POLE: variants seen among roughly 807,000 people sequenced by gnomAD.
The protein encoded by POLE is DNA polymerase epsilon catalytic subunit A.
A neutral mutation model predicts 279.2 loss-of-function variants in POLE; 188 were observed. The observed-to-expected ratio is 0.67, with a 90% confidence interval of 0.60 to 0.76. POLE has a LOEUF of 0.76. POLE is among the 30% of genes least tolerant of loss of function. POLE has a pLI of 0.00. For synonymous variants in POLE, 1,214 were observed against 1,172.5 expected, an observed-to-expected ratio of 1.04 and a Z score of -0.72; for missense variants, 2,703 against 3,016.7, an observed-to-expected ratio of 0.90 and a Z score of 2.44.
In POLE at chr12:132,664,757, G is replaced by A. The variant is rs992727394; in HGVS notation, c.2469-295C>T. Among the ~76,000 whole-genome samples the A allele has an allele frequency of 2.6e-5, 4 of 151,586 alleles. No individual in the cohort carries two copies. The highest frequency in any genetic ancestry group is 6.6e-5 in the Admixed American group (1 of 15,210). On this transcript the variant is annotated intron_variant, in intron 21 of 48. Coordinates refer to ENST00000320574, the MANE Select transcript of POLE (RefSeq NM_006231.4). The surrounding 1 kb of genome is among the most constrained non-coding windows in gnomAD (Gnocchi z 5.3). Reference sequence around the variant, plus strand: ...CTTAATACCACCCAGACCCATTCACGCCTTCTCTACTCTCTTCACACCTCC... The same window carrying A: ...CTTAATACCACCCAGACCCATTCACACCTTCTCTACTCTCTTCACACCTCC...
intron 38 of POLE, 44 bp downstream of exon 38, chr12:132,642,133 A>G (rs750581376): frequency 2.1e-6 from 3 of 1,439,996 alleles, no homozygotes; most frequent in Non-Finnish European, 2.8e-6. Context: ...GAATGGCAGA[A>G]ACACCAGCCA....
chr12:132,672,573 G>C, intron 15 of POLE, 54 bp downstream of exon 15: 2 of 1,556,880 alleles, frequency 1.3e-6, no homozygotes, highest in Non-Finnish European at 1.8e-6. Context: ...CAGCTTCTGG[G>C]TCCTACCACA....
intron 3 of POLE, 133 bp from the exon 4 acceptor site, chr12:132,680,355 G>A: frequency 1.2e-6 from 1 of 822,572 alleles, no homozygotes; most frequent in Non-Finnish European, 2.1e-6. Context: ...GTAGCATACA[G>A]GAAGTCAGAA....
chr12:132,631,672 G>C (rs975891394), intron 45 of POLE, among the ~76,000 whole-genome samples: 2 of 152,076 alleles, frequency 1.3e-5, no homozygotes, highest in African/African-American at 4.8e-5. Context: ...GACTCAGCCT[G>C]CCTTTCCCAG....
Position 132,676,652 on chromosome 12 carries a change from T to C in POLE, c.803A>G (p.Asp268Gly), listed in dbSNP as rs781455712. 1.2e-6 allele frequency: 2 copies of C among 1,601,156 alleles called. No individual in the cohort carries two copies. The highest frequency in any genetic ancestry group is 8.6e-7 in the Non-Finnish European group (1 of 1,168,348). Residue 268 changes from aspartate (D) to glycine (G), a missense_variant and splice_region_variant, in exon 9 of 49, where the codon GAC becomes GGC. Asp to Gly is a moderately conservative substitution (Grantham distance 94, BLOSUM62 -1). This residue lies in a region of POLE where 1,011 missense variants were observed against 1,111.7 expected (regional missense o/e 0.91). Coordinates refer to ENST00000320574, the MANE Select transcript of POLE (RefSeq NM_006231.4). Reference sequence around the variant, plus strand: ...AATGTCAAATGCCAAAACCACAGGGTCCTGTGGGGACAAAATAAGCATAAA... The same window carrying C: ...AATGTCAAATGCCAAAACCACAGGGCCCTGTGGGGACAAAATAAGCATAAA... ...TRRDDLVERP[D>G]PVVLAFDIET...
chr12:132,647,738 G>A (rs879433350), intron 32 of POLE, among the ~76,000 whole-genome samples: 5 of 151,994 alleles, frequency 3.3e-5, no homozygotes, highest in Admixed American at 6.6e-5. Flanking sequence ...ACTTCCACAC[G>A]GCCACAGCAC....
At chr12:132,680,289 C>A (rs894713644) in intron 3 of POLE, 67 bp from the exon 4 acceptor site, 3 of 1,424,834 alleles carry the variant, frequency 2.1e-6, no homozygotes, top group Non-Finnish European at 3.0e-6. Context: ...AGTGAAAACA[C>A]ATTGCTTGCT....
At chr12:132,665,167 CA>C in intron 21 of POLE, 134 bp downstream of exon 21, 1 of 1,013,988 alleles carries the variant, frequency 9.9e-7, no homozygotes, top group Non-Finnish European at 1.5e-6. Context: ...CACCCCAGCC[CA>C]AAGCCTTCTC....
chr12:132,659,379 A>G lies in POLE; in HGVS notation c.3191T>C (p.Leu1064Pro), dbSNP rs2138676013. 6.2e-7 allele frequency: 1 copy of G among 1,614,250 alleles called. No homozygotes were observed. Among genetic ancestry groups the G allele is most frequent in the Non-Finnish European group, 8.5e-7 (1 of 1,180,038 alleles). ...ISTAKRLAEF[L>P]GDQMVKDAGL... is the part of the protein sequence containing the mutation. ...TGCATCCTTGACCATCTGGTCTCCC[A>G]GGAACTCGGCCAGGCGCTTTGCTGT... Residue 1064 changes from leucine (L) to proline (P), a missense_variant, in exon 26 of 49, where the codon CTG (leucine) becomes CCG (proline). Coordinates refer to ENST00000320574, the MANE Select transcript of POLE (RefSeq NM_006231.4).
intron 41 of POLE, among the ~76,000 whole-genome samples, 169 bp downstream of exon 41, chr12:132,637,845 G>A (rs538087068): frequency 7.2e-5 from 11 of 152,172 alleles, no homozygotes; most frequent in African/African-American, 1.2e-4. Flanking sequence ...CTGCTACCGC[G>A]CACAGGTGGC....
At position 132,641,748 on chromosome 12, in the gene POLE, G is replaced by A. The variant is rs1441873125; in HGVS notation, c.5277C>T (p.Asp1759=). The part of the protein sequence containing the change: ...EGADSMGISF[D]VIQQASLEDM... Reference sequence around the variant, plus strand: ...CCTCCAGGGAGGCCTGCTGGATCACGTCGAAGCTGATCCCCATGCTGTCGG... The same window carrying A: ...CCTCCAGGGAGGCCTGCTGGATCACATCGAAGCTGATCCCCATGCTGTCGG... The change falls in exon 39 of 49, where the codon GAC becomes GAT. Residue 1759 remains aspartate (D), a synonymous_variant. Coordinates refer to ENST00000320574, the MANE Select transcript of POLE (RefSeq NM_006231.4). The A allele has an allele frequency of 9.9e-6, 16 of 1,611,724 alleles. No individual in the cohort carries two copies. Among genetic ancestry groups the A allele is most frequent in the Admixed American group, 1.7e-5 (1 of 59,998 alleles).
chr12:132,664,588 C>T lies in POLE; in HGVS notation c.2469-126G>A, dbSNP rs1371824447. 5.5e-6 allele frequency: 4 copies of T among 723,376 alleles called. No individual in the cohort carries two copies. In the South Asian group the frequency reaches 6.2e-5, roughly 11 times the overall value. 44.8% of individuals were successfully genotyped at this position (723,376 alleles called of 1,614,324 possible). On this transcript the variant is annotated intron_variant, in intron 21 of 48. Coordinates refer to ENST00000320574, the MANE Select transcript of POLE (RefSeq NM_006231.4). This position sits in a 1 kb window ranked among gnomAD's most constrained non-coding sequence, Gnocchi z 5.3. Reference sequence around the variant, plus strand: ...GGGACAAGGGAAGCAGCCAAATGTGCGTGCACCAGGACAGAACTAAGGTGG... The same window carrying T: ...GGGACAAGGGAAGCAGCCAAATGTGTGTGCACCAGGACAGAACTAAGGTGG...
chr12:132,660,682 T>C lies in POLE; in HGVS notation c.3060+287A>G, dbSNP rs557754740. On this transcript the variant is annotated intron_variant, in intron 25 of 48. Transcript: ENST00000320574. The stretch of plus-strand genomic sequence containing the variant: ...ACGGCTCACTGTGGCCTCTACTTCC[T>C]GGTCTCAAGTGATCCTCCCAAGTAG... The C allele has an allele frequency of 1.3e-3, 351 of 273,764 alleles. 1 individual carries two copies. Among genetic ancestry groups the C allele is most frequent in the Admixed American group, 3.7e-3 (74 of 20,198 alleles). 17.0% of individuals were successfully genotyped at this position (273,764 alleles called of 1,614,324 possible). A position where few individuals can be genotyped will look rare whatever the true frequency, so the allele number is the denominator to read the frequency against.
At position 132,668,475 on chromosome 12, in the gene POLE, C is replaced by T. The variant is rs770597683; in HGVS notation, c.2054G>A (p.Arg685Gln). Residue 685 changes from arginine (R) to glutamine (Q), a missense_variant, in exon 19 of 49, where the codon CGG (arginine) becomes CAG (glutamine). Physicochemically the swap from Arg to Gln is conservative, Grantham distance 43 (BLOSUM62 1). Around this residue, in one of 5 missense-constraint regions of POLE, gnomAD observed 1,011 missense variants for 1,111.7 expected, o/e 0.91. Transcript: ENST00000320574. This position sits in a 1 kb window ranked among gnomAD's most constrained non-coding sequence, Gnocchi z 4.0. The part of the protein sequence containing the change: ...FMPASRSEYH[R>Q]IQHQLESEKF... Reference sequence around the variant, plus strand: ...CTCTGACTCCAGCTGGTGCTGGATCCGATGGTATTCGCTGCGACTGGCTGG... The same window carrying T: ...CTCTGACTCCAGCTGGTGCTGGATCTGATGGTATTCGCTGCGACTGGCTGG... 4.6e-5 allele frequency: 74 copies of T among 1,605,918 alleles called. No homozygotes were observed. The highest frequency in any genetic ancestry group is 1.7e-4 in the Admixed American group (10 of 59,044).
At chr12:132,633,040 G>T in intron 43 of POLE, 2 of 459,450 alleles carry the variant, frequency 4.4e-6, no homozygotes, top group Non-Finnish European at 7.7e-6. Context: ...ATGGGGCCAT[G>T]TACACTAAGC....
intron 25 of POLE, 82 bp downstream of exon 25, chr12:132,660,887 A>G: frequency 8.5e-7 from 1 of 1,175,988 alleles, no homozygotes; most frequent in Non-Finnish European, 1.2e-6. Context: ...CTTGGTCTCC[A>G]GGAGCCCAGG....
chr12:132,637,163 T>C (rs2042050834), intron 41 of POLE, among the ~76,000 whole-genome samples: 1 of 152,230 alleles, frequency 6.6e-6, no homozygotes, highest in African/African-American at 2.4e-5. Flanking sequence ...AACAGTGCTT[T>C]TGTGTTTCAA....
chr12:132,668,967 G>A lies in POLE; in HGVS notation c.1795-28C>T. 1 of 1,606,998 alleles carries A rather than the reference G, an allele frequency of 6.2e-7. No homozygotes were observed. Among genetic ancestry groups the A allele is most frequent in the Non-Finnish European group, 8.5e-7 (1 of 1,174,626 alleles). ...GCAGAGAAAGCGAAACTCAGTAGAG[G>A]CTGGTGACCAAGCTTGCCTCGTGTG... On this transcript the variant is annotated intron_variant, in intron 16 of 48. Coordinates refer to ENST00000320574, the MANE Select transcript of POLE (RefSeq NM_006231.4). This position sits in a 1 kb window ranked among gnomAD's most constrained non-coding sequence, Gnocchi z 4.0.
rs143102561 is a variant in POLE, at chr12:132,676,100, G to A, written c.1014C>T (p.Pro338=). ...CCAAGTGATACCTCCTTACCTCATC[G>A]GGTTCATTGAAGACACAAAAGGGGC... is the stretch of plus-strand genomic sequence containing the variant. The part of the protein sequence containing the change: ...YEGPFCVFNE[P]DEAHLIQRWF... Residue 338 remains proline, a synonymous_variant, in exon 10 of 49, where the codon CCC becomes CCT. Coordinates refer to ENST00000320574, the MANE Select transcript of POLE (RefSeq NM_006231.4). 3.8e-5 allele frequency: 60 copies of A among 1,598,174 alleles called. No individual in the cohort carries two copies. The East Asian group carries it at 1.2e-3, about 31-fold the overall frequency.
Sources: allele counts gnomAD v4.1 joint callset (sites outside exome capture counted in the v4.1 genomes callset), GRCh38; gene constraint gnomAD v4.1.1; regional missense constraint gnomAD v4.1.1; non-coding constraint Gnocchi (gnomAD v3.1); transcripts MANE v1.5; gene names NCBI Gene and HGNC (gene_info 2026-07-23, HGNC 2026-07-21).